The following CPNE4 variants were observed in gnomAD, a reference collection of about 807,000 sequenced individuals.
CPNE4 encodes copine-4.
CPNE4 carries 25 observed loss-of-function variants against 67.9 expected under a neutral mutation model. The observed-to-expected ratio is 0.37, with a 90% CI of 0.27 to 0.51. The LOEUF is 0.51. CPNE4 is among the 20% of genes least tolerant of loss of function. CPNE4 has a pLI of 0.93. For synonymous variants in CPNE4, 242 were observed against 244.9 expected (o/e 0.99, Z 0.11); for missense variants, 464 against 690.8 (o/e 0.67, Z 3.68).
chr3:132,037,555 A>G, upstream of CPNE4: 1 of 1,535,068 alleles, frequency 6.5e-7, no homozygotes, highest in South Asian at 1.2e-5. Context: ...TCTATCACTC[A>G]CCTCCTCCCA....
intron 2 of CPNE4, among the ~76,000 whole-genome samples, chr3:131,806,185 T>A (rs932827750): frequency 4.6e-5 from 7 of 152,230 alleles, no homozygotes; most frequent in Non-Finnish European, 8.8e-5. Flanking sequence ...CTGGAAGCCA[T>A]CCTTCCTCAT....
chr3:131,612,243 G>A (rs578244453), intron 7 of CPNE4, among the ~76,000 whole-genome samples: 86 of 152,032 alleles, frequency 5.7e-4, no homozygotes, highest in African/African-American at 8.7e-4. Flanking sequence ...GCGTGGTGGC[G>A]GGCACCTGTA....
At chr3:131,985,832 A>T (rs1189337255) in intron 1 of CPNE4, 1 of 154,042 alleles carries the variant, frequency 6.5e-6, no homozygotes, top group African/African-American at 2.4e-5. Context: ...ACTGAGCACA[A>T]CACTGATGAT....
At chr3:131,569,503 T>C (rs1453007876) in intron 10 of CPNE4, among the ~76,000 whole-genome samples, 3 of 151,678 alleles carry the variant, frequency 2.0e-5, no homozygotes, top group African/African-American at 4.8e-5. Context: ...GCCAGTGTGG[T>C]AGCATATGGT....
At chr3:131,803,822 G>C (rs1028429105) in intron 2 of CPNE4, among the ~76,000 whole-genome samples, 1 of 152,104 alleles carries the variant, frequency 6.6e-6, no homozygotes, top group African/African-American at 2.4e-5. Context: ...TCTAATTGCT[G>C]GAACATTAAG....
At chr3:131,929,196 C>CAAAAA (rs57462900) in intron 1 of CPNE4, among the ~76,000 whole-genome samples, 1 of 98,832 alleles carries the variant, frequency 1.0e-5, no homozygotes, top group Non-Finnish European at 2.0e-5. Flanking sequence ...TTGTCCTCAC[C>CAAAAA]AAAAAAAAAA....
intron 2 of CPNE4, among the ~76,000 whole-genome samples, chr3:131,736,030 C>T (rs1330686139): frequency 2.6e-5 from 4 of 152,138 alleles, no homozygotes; most frequent in Non-Finnish European, 4.4e-5. Flanking sequence ...TTCTTCACAG[C>T]CTGGGGCAGA....
chr3:131,760,595 A>G (rs796721636), intron 2 of CPNE4, among the ~76,000 whole-genome samples: 1 of 152,244 alleles, frequency 6.6e-6, no homozygotes, highest in African/African-American at 2.4e-5. Flanking sequence ...TTTTCTCCCA[A>G]AGAGAGAGTC....
chr3:131,722,988 G>A (rs541369201), intron 3 of CPNE4, among the ~76,000 whole-genome samples: 9 of 152,254 alleles, frequency 5.9e-5, no homozygotes, highest in Admixed American at 1.3e-4. Context: ...TTCATTCACT[G>A]AGTATCCATT....
chr3:131,837,477 C>T (rs1179128368), intron 2 of CPNE4, among the ~76,000 whole-genome samples: 4 of 152,042 alleles, frequency 2.6e-5, no homozygotes, highest in Admixed American at 2.0e-4. Context: ...ATAAGATTCT[C>T]AAATGACAAA....
intron 7 of CPNE4, among the ~76,000 whole-genome samples, chr3:131,619,704 T>G (rs1477185010): frequency 6.6e-6 from 1 of 152,228 alleles, no homozygotes; most frequent in Non-Finnish European, 1.5e-5. Flanking sequence ...AGAGTCACTT[T>G]GGCGTATTTA....
intron 2 of CPNE4, among the ~76,000 whole-genome samples, chr3:131,812,586 A>G (rs1296567235): frequency 6.6e-6 from 1 of 152,216 alleles, no homozygotes; most frequent in African/African-American, 2.4e-5. Context: ...AATATCAAAT[A>G]TCACATGCAA....
In CPNE4 at chr3:131,800,743, T is replaced by C. The variant is rs79983537; in HGVS notation, c.181-77118A>G. The stretch of plus-strand genomic sequence containing the variant: ...TGTGGCCTTAATTCCATGGTGAAGG[T>C]TTGGAATAAGCAAGTGACACGATTA... On this transcript the variant is annotated intron_variant, in intron 2 of 15. Coordinates refer to ENST00000429747, the MANE Select transcript of CPNE4 (RefSeq NM_130808.3). 8.0e-3 allele frequency among the ~76,000 whole-genome samples: 1,222 copies of C among 152,162 alleles called. 14 individuals carry two copies. Among genetic ancestry groups the C allele is most frequent in the African/African-American group, 0.027 (1,139 of 41,524 alleles).
chr3:131,545,932 C>T (rs973106723), intron 14 of CPNE4, among the ~76,000 whole-genome samples: 8 of 151,948 alleles, frequency 5.3e-5, no homozygotes, highest in South Asian at 4.1e-4. Context: ...CGTGGTGGCA[C>T]GTGCCTGTAA....
At chr3:131,650,662 G>A (rs999467203) in intron 7 of CPNE4, among the ~76,000 whole-genome samples, 38 of 142,366 alleles carry the variant, frequency 2.7e-4, no homozygotes, top group African/African-American at 1.1e-3. Context: ...GGAGAATGGC[G>A]TGAACCCGGG....
chr3:131,919,810 G>A (rs2070692076), intron 1 of CPNE4, among the ~76,000 whole-genome samples: 1 of 152,046 alleles, frequency 6.6e-6, no homozygotes, highest in African/African-American at 2.4e-5. Context: ...CTTTAACATC[G>A]AACTAGGTGA....
At chr3:131,752,963 C>T (rs776298965) in intron 2 of CPNE4, among the ~76,000 whole-genome samples, 3 of 150,808 alleles carry the variant, frequency 2.0e-5, no homozygotes, top group Non-Finnish European at 3.0e-5. Context: ...AAGAAAATGC[C>T]GGTGAGGAGA....
rs142850836 is a variant in CPNE4, at chr3:131,647,037, G to A, written c.681+22638C>T. Among the ~76,000 whole-genome samples, 1,242 of 152,304 alleles carry A rather than the reference G, an allele frequency of 8.2e-3. 8 individuals carry two copies. The highest frequency in any genetic ancestry group is 0.037 in the Middle Eastern group (11 of 294). ...GGGGCATTCTACTGTGCCTGCAGCT[G>A]TCTTATAGTTACTGTGCAGATTCAG... On this transcript the variant is annotated intron_variant, in intron 7 of 15. Transcript: ENST00000429747.
At chr3:131,977,981 C>A (rs2072713670) in intron 1 of CPNE4, among the ~76,000 whole-genome samples, 1 of 143,832 alleles carries the variant, frequency 7.0e-6, no homozygotes, top group Non-Finnish European at 1.5e-5. Context: ...AGCCTTTAAT[C>A]TCATCCAGGT....
Sources: allele counts gnomAD v4.1 joint callset (sites outside exome capture counted in the v4.1 genomes callset), GRCh38; gene constraint gnomAD v4.1.1; transcripts MANE v1.5; gene names NCBI Gene and HGNC (gene_info 2026-07-23, HGNC 2026-07-21).